Variants in SLC9A2 observed in about 807,000 individuals in gnomAD.
The protein encoded by SLC9A2 is sodium/hydrogen exchanger 2.
SLC9A2 carries 42 observed loss-of-function variants against 71.7 expected under a neutral mutation model. The ratio of observed to expected loss-of-function variants is 0.59; its 90% CI spans 0.46 to 0.76. The LOEUF (loss-of-function observed/expected upper bound fraction) is 0.76, where lower values mean the gene tolerates loss of function less well. Ranked by LOEUF, SLC9A2 falls within the 30% of genes least tolerant of loss-of-function variation. The pLI is 0.00. For missense variants in SLC9A2, 829 were observed against 1,017.4 expected (o/e 0.81, Z 2.52); for synonymous variants, 396 against 392.5 (o/e 1.01, Z -0.10).
intron 1 of SLC9A2, among the ~76,000 whole-genome samples, chr2:102,643,503 T>G (rs1390143521): frequency 6.6e-6 from 1 of 152,218 alleles, no homozygotes; most frequent in Non-Finnish European, 1.5e-5. Context: ...TTGTTGCCTG[T>G]GCCCATTGGC....
chr2:102,680,851 A>G (rs969294940), intron 3 of SLC9A2, among the ~76,000 whole-genome samples: 3 of 151,118 alleles, frequency 2.0e-5, no homozygotes, highest in Non-Finnish European at 2.9e-5. Context: ...GGAGAGTCAG[A>G]CTCAGAGAAG....
chr2:102,624,003 A>T (rs996395821), intron 1 of SLC9A2, among the ~76,000 whole-genome samples: 1 of 152,158 alleles, frequency 6.6e-6, no homozygotes, highest in African/African-American at 2.4e-5. Flanking sequence ...CAAAGCATTG[A>T]ATGATTCAGC....
rs137871574 is a variant in SLC9A2, at chr2:102,677,595, C to T, written c.1005-5666C>T. On this transcript the variant is annotated intron_variant, in intron 3 of 11. Coordinates refer to ENST00000233969, the MANE Select transcript of SLC9A2 (RefSeq NM_003048.6). Reference sequence around the variant, plus strand: ...CAAAATCTGGGCATGCTTTGGAATGCGAAATGGGCAATGGATATAGAGAAA... The same window carrying T: ...CAAAATCTGGGCATGCTTTGGAATGTGAAATGGGCAATGGATATAGAGAAA... 1.8e-4 allele frequency among the ~76,000 whole-genome samples: 27 copies of T among 152,174 alleles called. No homozygotes were observed. The East Asian group carries it at 3.9e-3, about 22-fold the overall frequency.
intron 5 of SLC9A2, among the ~76,000 whole-genome samples, chr2:102,690,265 G>T (rs1466400675): frequency 6.6e-6 from 1 of 152,162 alleles, no homozygotes; most frequent in African/African-American, 2.4e-5. Context: ...CAGCTGCAAG[G>T]TCAGAAAAAG....
chr2:102,625,979 C>T (rs781702117), intron 1 of SLC9A2, among the ~76,000 whole-genome samples: 3 of 152,126 alleles, frequency 2.0e-5, no homozygotes, highest in Non-Finnish European at 2.9e-5. Context: ...CTCTCTAGCA[C>T]CTGTTGTTTC....
At chr2:102,702,286 T>C in intron 8 of SLC9A2, 120 bp from the exon 9 acceptor site, 1 of 595,606 alleles carries the variant, frequency 1.7e-6, no homozygotes, top group South Asian at 2.2e-5. Context: ...TATTGAATAA[T>C]CCCTAAGTGC....
chr2:102,699,768 G>T (rs143360332), intron 7 of SLC9A2, among the ~76,000 whole-genome samples: 2 of 152,048 alleles, frequency 1.3e-5, no homozygotes, highest in African/African-American at 2.4e-5. Flanking sequence ...GTGTCAGCAG[G>T]GCTCATTTCT....
At chr2:102,660,232 T>C (rs1005935569) in intron 2 of SLC9A2, among the ~76,000 whole-genome samples, 33 of 152,144 alleles carry the variant, frequency 2.2e-4, no homozygotes, top group Admixed American at 5.9e-4. Flanking sequence ...GCGGCCAAAG[T>C]GAGAGCTTGT....
chr2:102,693,636 T>C (rs1465139268), intron 5 of SLC9A2, among the ~76,000 whole-genome samples: 1 of 152,218 alleles, frequency 6.6e-6, no homozygotes, highest in African/African-American at 2.4e-5. Context: ...CACTGGGATA[T>C]GCTTCCAGCA....
At chr2:102,652,479 A>G (rs1274707139) in intron 1 of SLC9A2, among the ~76,000 whole-genome samples, 4 of 152,166 alleles carry the variant, frequency 2.6e-5, no homozygotes, top group African/African-American at 9.7e-5. Flanking sequence ...TCCTTGGAAT[A>G]GGAAAATCCA....
chr2:102,690,096 T>C (rs374410439), intron 5 of SLC9A2, among the ~76,000 whole-genome samples: 120 of 152,138 alleles, frequency 7.9e-4, no homozygotes, highest in African/African-American at 2.3e-3. Context: ...AAAGAAGGCA[T>C]CTGACAACTG....
chr2:102,637,504 C>A (rs149229743), intron 1 of SLC9A2, among the ~76,000 whole-genome samples: 10 of 152,298 alleles, frequency 6.6e-5, no homozygotes, highest in Admixed American at 6.5e-4. Flanking sequence ...GAATATAATG[C>A]AGGCAGTGAG....
At chr2:102,704,427 T>C (rs562965215) in intron 9 of SLC9A2, 117 bp from the exon 10 acceptor site, 2 of 853,668 alleles carry the variant, frequency 2.3e-6, no homozygotes, top group Non-Finnish European at 3.6e-6. Context: ...ACAGAAGTTA[T>C]AAGTGCTTAG....
At chr2:102,675,844 T>G (rs1205399348) in intron 3 of SLC9A2, among the ~76,000 whole-genome samples, 1 of 152,210 alleles carries the variant, frequency 6.6e-6, no homozygotes, top group Non-Finnish European at 1.5e-5. Context: ...TTTTTTCTCA[T>G]TTCTCCTTCC....
intron 1 of SLC9A2, among the ~76,000 whole-genome samples, chr2:102,650,410 G>A (rs1226082242): frequency 6.6e-6 from 1 of 152,080 alleles, no homozygotes; most frequent in East Asian, 1.9e-4. Flanking sequence ...GTTGATGGGT[G>A]CAGCAAACCA....
intron 3 of SLC9A2, among the ~76,000 whole-genome samples, chr2:102,673,752 A>G (rs889576345): frequency 1.1e-4 from 16 of 152,144 alleles, no homozygotes; most frequent in African/African-American, 3.9e-4. Flanking sequence ...AAACAAGATA[A>G]TAAGTCAGAA....
chr2:102,641,917 A>G (rs1676589809), intron 1 of SLC9A2, among the ~76,000 whole-genome samples: 2 of 145,032 alleles, frequency 1.4e-5, no homozygotes, highest in Non-Finnish European at 3.0e-5. Context: ...GGGCTGGGGG[A>G]GGGATAGCAT....
Position 102,619,816 on chromosome 2 carries a change from C to A in SLC9A2, c.-33C>A, listed in dbSNP as rs1445963669. On this transcript the variant is annotated 5_prime_UTR_variant, in exon 1 of 12. Coordinates refer to ENST00000233969, the MANE Select transcript of SLC9A2 (RefSeq NM_003048.6). This position sits in a 1 kb window ranked among gnomAD's most constrained non-coding sequence, Gnocchi z 4.3. ...TGCGTTGAGCGCTCGGAGGGCCAAC[C>A]GCCGGTCCCCTTGGCGGCAACCGGC... The A allele has an allele frequency of 3.4e-6, 5 of 1,460,632 alleles. No homozygotes were observed. The highest frequency in any genetic ancestry group is 4.5e-6 in the Non-Finnish European group (5 of 1,108,662). 90.5% of individuals were successfully genotyped at this position (1,460,632 alleles called of 1,614,324 possible).
intron 1 of SLC9A2, among the ~76,000 whole-genome samples, chr2:102,626,931 T>C (rs542559180): frequency 6.6e-5 from 10 of 152,190 alleles, no homozygotes; most frequent in Admixed American, 3.9e-4. Context: ...CTTTATTTCT[T>C]ACAGAATTAT....
Sources: allele counts gnomAD v4.1 joint callset (sites outside exome capture counted in the v4.1 genomes callset), GRCh38; gene constraint gnomAD v4.1.1; non-coding constraint Gnocchi (gnomAD v3.1); transcripts MANE v1.5; gene names NCBI Gene and HGNC (gene_info 2026-07-23, HGNC 2026-07-21).